The following PDZRN3 variants were observed in gnomAD, a reference collection of about 807,000 sequenced individuals.
The protein encoded by PDZRN3 is E3 ubiquitin-protein ligase PDZRN3.
In PDZRN3, 38 loss-of-function variants were observed where a neutral mutation model predicts 85.7. The observed-to-expected ratio is 0.44, with a 90% CI of 0.34 to 0.58. The LOEUF (loss-of-function observed/expected upper bound fraction) is 0.58, where lower values mean the gene tolerates loss of function less well. Ranked by LOEUF, PDZRN3 falls within the 20% of genes least tolerant of loss-of-function variation. The pLI is 0.01. For missense variants in PDZRN3, 1,629 were observed against 1,506.4 expected, an observed-to-expected ratio of 1.08 and a Z score of -1.35; for synonymous variants, 759 against 638.0, an observed-to-expected ratio of 1.19 and a Z score of -2.86.
chr3:73,618,104 C>T (rs1480977057), intron 1 of PDZRN3, among the ~76,000 whole-genome samples: 3 of 152,206 alleles, frequency 2.0e-5, no homozygotes, highest in Admixed American at 1.3e-4. Flanking sequence ...GAAAACATTT[C>T]ATGGACCAGA....
At chr3:73,502,074 C>T (rs1294845866) in intron 3 of PDZRN3, among the ~76,000 whole-genome samples, 1 of 152,046 alleles carries the variant, frequency 6.6e-6, no homozygotes, top group East Asian at 1.9e-4. Flanking sequence ...AAATGAAGCT[C>T]CTTGAATTGC....
intron 1 of PDZRN3, among the ~76,000 whole-genome samples, chr3:73,612,868 T>C (rs1201034575): frequency 6.6e-6 from 1 of 152,184 alleles, no homozygotes; most frequent in Non-Finnish European, 1.5e-5. Flanking sequence ...GATAGACAGA[T>C]ACCCAAAGAC....
intron 3 of PDZRN3, among the ~76,000 whole-genome samples, chr3:73,499,517 G>C (rs75825646): frequency 4.0e-4 from 61 of 152,132 alleles, no homozygotes; most frequent in Non-Finnish European, 1.2e-4. Flanking sequence ...GCTACTATTC[G>C]TGTAAGGCTC....
At chr3:73,606,224 T>C (rs1702597784) in intron 2 of PDZRN3, among the ~76,000 whole-genome samples, 1 of 152,240 alleles carries the variant, frequency 6.6e-6, no homozygotes, top group Non-Finnish European at 1.5e-5. Context: ...AAGTGAATCT[T>C]AATTTATTAA....
chr3:73,600,980 G>A (rs1209958086), intron 3 of PDZRN3, among the ~76,000 whole-genome samples: 2 of 152,128 alleles, frequency 1.3e-5, no homozygotes, highest in African/African-American at 4.8e-5. Flanking sequence ...ATTCAAAGGG[G>A]ATGCAACAAT....
chr3:73,471,255 G>A (rs1703333541), intron 3 of PDZRN3, among the ~76,000 whole-genome samples: 1 of 152,090 alleles, frequency 6.6e-6, no homozygotes, highest in South Asian at 2.1e-4. Flanking sequence ...GAACGCCAAA[G>A]CTTGCCGGCA....
Position 73,384,636 on chromosome 3 carries a change from C to G in PDZRN3, c.1930G>C (p.Glu644Gln). Reference protein sequence around the residue: ...DYLGIPVDECERFRELLELKC... With the variant: ...DYLGIPVDECQRFRELLELKC... ...AGCTCCAGGAGCTCGCGGAAGCGCT[C>G]GCACTCGTCCACCGGGATCCCCAGG... The change falls in exon 10 of 10, where the codon GAG (glutamate) becomes CAG (glutamine). Residue 644 changes from glutamate to glutamine, a missense_variant. Coordinates refer to ENST00000263666, the MANE Select transcript of PDZRN3 (RefSeq NM_015009.3). 1 of 1,613,844 alleles carries G rather than the reference C, an allele frequency of 6.2e-7. No individual in the cohort carries two copies. The highest frequency in any genetic ancestry group is 8.5e-7 in the Non-Finnish European group (1 of 1,180,018).
At chr3:73,596,005 A>C (rs911628716) in intron 3 of PDZRN3, among the ~76,000 whole-genome samples, 2 of 152,184 alleles carry the variant, frequency 1.3e-5, no homozygotes, top group African/African-American at 4.8e-5. Context: ...CACTAAATGA[A>C]GCTAGAGGTC....
intron 3 of PDZRN3, among the ~76,000 whole-genome samples, chr3:73,458,271 C>A (rs1482080409): frequency 6.6e-6 from 1 of 151,780 alleles, no homozygotes; most frequent in Admixed American, 6.6e-5. Context: ...CTGCTCGGTG[C>A]CCAGCAGATG....
intron 3 of PDZRN3, among the ~76,000 whole-genome samples, chr3:73,427,572 G>A (rs1236639503): frequency 6.6e-6 from 1 of 152,162 alleles, no homozygotes; most frequent in Non-Finnish European, 1.5e-5. Context: ...TGGGTGACAG[G>A]AACACAGAGA....
intron 3 of PDZRN3, among the ~76,000 whole-genome samples, chr3:73,585,296 G>T (rs4234179): frequency 0.9 from 136,422 of 152,314 alleles, 61,154 homozygotes; most frequent in African/African-American, 0.94. Context: ...ATTTACATTG[G>T]GTTCAGCATA....
chr3:73,389,967 C>CATGCTCACCCCTGTGTTTCTGTTTT, intron 6 of PDZRN3, 89 bp from the exon 7 acceptor site: 1 of 911,074 alleles, frequency 1.1e-6, no homozygotes, highest in Non-Finnish European at 1.8e-6. Flanking sequence ...AAAACACAGT[C>CATGCTCACCCCTGTGTTTCTGTTTT]ATGCTCACCC....
chr3:73,543,270 C>A (rs1701329056), intron 3 of PDZRN3, among the ~76,000 whole-genome samples: 1 of 152,222 alleles, frequency 6.6e-6, no homozygotes, highest in African/African-American at 2.4e-5. Context: ...GAGCACCCAG[C>A]ATACTGGATT....
At chr3:73,403,607 G>A (rs188017156) in intron 4 of PDZRN3, among the ~76,000 whole-genome samples, 1 of 152,304 alleles carries the variant, frequency 6.6e-6, no homozygotes, top group East Asian at 1.9e-4. Flanking sequence ...GCAGAAATAA[G>A]TTGAGAGAAG....
At chr3:73,460,023 T>C (rs536081302) in intron 3 of PDZRN3, among the ~76,000 whole-genome samples, 2 of 152,334 alleles carry the variant, frequency 1.3e-5, no homozygotes, top group African/African-American at 2.4e-5. Flanking sequence ...AATCTGTTAT[T>C]GTTAGAATTC....
intron 3 of PDZRN3, among the ~76,000 whole-genome samples, chr3:73,540,252 T>C (rs1358820650): frequency 6.6e-6 from 1 of 152,036 alleles, no homozygotes; most frequent in African/African-American, 2.4e-5. Flanking sequence ...TAAATATATA[T>C]AGCTAAAAAA....
At chr3:73,525,725 C>T (rs572820341) in intron 3 of PDZRN3, among the ~76,000 whole-genome samples, 14 of 152,210 alleles carry the variant, frequency 9.2e-5, no homozygotes, top group Non-Finnish European at 1.9e-4. Flanking sequence ...GTCCCCCTGC[C>T]AAGGCGAGGC....
At chr3:73,504,402 G>C (rs1332953689) in intron 3 of PDZRN3, among the ~76,000 whole-genome samples, 6 of 152,112 alleles carry the variant, frequency 3.9e-5, no homozygotes, top group Admixed American at 2.6e-4. Flanking sequence ...GCAAATACGG[G>C]GCTCAAGTCA....
At chr3:73,393,767 A>G (rs1325033445) in intron 5 of PDZRN3, among the ~76,000 whole-genome samples, 1 of 152,208 alleles carries the variant, frequency 6.6e-6, no homozygotes, top group African/African-American at 2.4e-5. Context: ...AAAGACTCCT[A>G]AAGAATGTGA....
Sources: allele counts gnomAD v4.1 joint callset (sites outside exome capture counted in the v4.1 genomes callset), GRCh38; gene constraint gnomAD v4.1.1; transcripts MANE v1.5; gene names NCBI Gene and HGNC (gene_info 2026-07-23, HGNC 2026-07-21).